The following IL1R1 variants were observed in gnomAD, a reference collection of about 807,000 sequenced individuals.
IL1R1 encodes interleukin-1 receptor type 1.
A neutral mutation model predicts 50.2 loss-of-function variants in IL1R1; 22 were observed. The ratio of observed to expected loss-of-function variants is 0.44; its 90% CI spans 0.31 to 0.63. IL1R1 has a LOEUF of 0.63. Ranked by LOEUF, IL1R1 falls within the 20% of genes least tolerant of loss-of-function variation. IL1R1 has a pLI of 0.07. For missense variants in IL1R1, 509 were observed against 676.2 expected (o/e 0.75, Z 2.74); for synonymous variants, 251 against 236.7 (o/e 1.06, Z -0.55).
intron 1 of IL1R1, among the ~76,000 whole-genome samples, chr2:102,122,589 G>T (rs570670342): frequency 6.6e-6 from 1 of 152,186 alleles, no homozygotes; most frequent in Non-Finnish European, 1.5e-5. Flanking sequence ...GGCCAGGTTT[G>T]TTCAAGCGAA....
At chr2:102,140,728 C>A (rs1414266139), upstream of IL1R1, among the ~76,000 whole-genome samples, 1 of 152,034 alleles carries the variant, frequency 6.6e-6, no homozygotes, top group Non-Finnish European at 1.5e-5. Context: ...CACCAGTTAT[C>A]CAAGGAAAGG....
chr2:102,170,139 G>C (rs1044912634), intron 7 of IL1R1, among the ~76,000 whole-genome samples: 6 of 152,238 alleles, frequency 3.9e-5, no homozygotes, highest in African/African-American at 1.4e-4. Context: ...TATATTGACA[G>C]TGGATCAGAA....
intron 1 of IL1R1, among the ~76,000 whole-genome samples, chr2:102,090,270 G>C (rs2104309766): frequency 6.6e-6 from 1 of 151,248 alleles, no homozygotes; most frequent in Admixed American, 6.6e-5. Context: ...GTTCTATGTT[G>C]GGGGTATGTA....
Position 102,174,632 on chromosome 2 carries a change from C to T in IL1R1, c.1037C>T (p.Thr346Ile), listed in dbSNP as rs1685959187. Residue 346 changes from threonine to isoleucine, a missense_variant, in exon 10 of 12, where the codon ACA becomes ATA. Coordinates refer to ENST00000410023, the MANE Select transcript of IL1R1 (RefSeq NM_000877.4). ...KHMIGICVTLTVIIVCSVFIY... is the reference protein window; with the variant it reads ...KHMIGICVTLIVIIVCSVFIY... ...ATGATTGGTATATGTGTCACGTTGACAGTCATAATTGTGTGTTCTGTTTTC... is the reference window on the plus strand; with the variant it reads ...ATGATTGGTATATGTGTCACGTTGATAGTCATAATTGTGTGTTCTGTTTTC... The T allele has an allele frequency of 6.2e-7, 1 of 1,610,490 alleles. No individual in the cohort carries two copies. The highest frequency in any genetic ancestry group is 8.5e-7 in the Non-Finnish European group (1 of 1,178,408).
intron 1 of IL1R1, among the ~76,000 whole-genome samples, chr2:102,153,477 T>C (rs1683883305): frequency 6.6e-6 from 1 of 152,182 alleles, no homozygotes; most frequent in Non-Finnish European, 1.5e-5. Flanking sequence ...TCATGATCAT[T>C]TAAATGTCAT....
chr2:102,142,029 G>A (rs115962037), upstream of IL1R1: 3 of 152,242 alleles, frequency 2.0e-5, no homozygotes, highest in African/African-American at 2.4e-5. Context: ...TGGGTTTTAA[G>A]TTTAAAAATT....
At chr2:102,157,819 T>A in intron 3 of IL1R1, 34 bp downstream of exon 3, 1 of 1,372,780 alleles carries the variant, frequency 7.3e-7, no homozygotes, top group Non-Finnish European at 1.0e-6. Context: ...TCTTGTCTGC[T>A]AAGAAAATCT....
At chr2:102,172,191 T>C in intron 8 of IL1R1, 1 of 802,370 alleles carries the variant, frequency 1.2e-6, no homozygotes, top group South Asian at 5.7e-5. Context: ...GAAGCAATTA[T>C]CTTTCATTAT....
intron 1 of IL1R1, among the ~76,000 whole-genome samples, chr2:102,122,261 G>T (rs535400969): frequency 1.3e-5 from 2 of 152,304 alleles, no homozygotes; most frequent in East Asian, 3.9e-4. Context: ...CACGAATAAG[G>T]CAGAATTGCA....
chr2:102,172,893 G>T, intron 9 of IL1R1, 55 bp downstream of exon 9: 1 of 1,308,210 alleles, frequency 7.6e-7, no homozygotes, highest in South Asian at 1.4e-5. Context: ...AAGATTCCAT[G>T]ACTTTGAAGT....
intron 3 of IL1R1, among the ~76,000 whole-genome samples, chr2:102,160,321 G>T (rs1684603001): frequency 6.6e-6 from 1 of 151,930 alleles, no homozygotes; most frequent in South Asian, 2.1e-4. Flanking sequence ...TTTTGTGAAA[G>T]AATCTGCTTT....
upstream of IL1R1, chr2:102,142,120 A>C (rs1682692690): frequency 6.6e-6 from 1 of 152,210 alleles, no homozygotes; most frequent in African/African-American, 2.4e-5. Flanking sequence ...CCGGGCGCGT[A>C]ACAGCAACAA....
intron 1 of IL1R1, among the ~76,000 whole-genome samples, chr2:102,105,151 T>C (rs914426097): frequency 1.2e-4 from 19 of 152,224 alleles, no homozygotes; most frequent in African/African-American, 4.3e-4. Flanking sequence ...AAATATACTT[T>C]ATAACTGTAT....
At chr2:102,124,368 T>C (rs1681573810) in intron 1 of IL1R1, among the ~76,000 whole-genome samples, 1 of 151,466 alleles carries the variant, frequency 6.6e-6, no homozygotes, top group Non-Finnish European at 1.5e-5. Flanking sequence ...TGCAGTGAGC[T>C]GAGATTGCGC....
rs191979150 is a variant in IL1R1 at position 102,084,378 on chromosome 2, C to T, written c.-84+13845C>T. ...CAATAACTAAAATAAATACACACAG[C>T]GTACAGCCCTGTAATAATAGAGGTT... On this transcript the variant is annotated intron_variant, in intron 1 of 11. Transcript: ENST00000409929. Among the ~76,000 whole-genome samples the T allele has an allele frequency of 1.2e-4, 19 of 152,232 alleles. No homozygotes were observed. The East Asian group carries it at 3.5e-3, about 28-fold the overall frequency.
chr2:102,165,344 A>G, intron 5 of IL1R1, 40 bp downstream of exon 5: 1 of 1,148,526 alleles, frequency 8.7e-7, no homozygotes, highest in Non-Finnish European at 1.2e-6. Context: ...TTTTCCAGAA[A>G]ATAAAATAGT....
At chr2:102,072,228 C>A (rs544245935) in intron 1 of IL1R1, among the ~76,000 whole-genome samples, 1 of 150,638 alleles carries the variant, frequency 6.6e-6, no homozygotes, top group African/African-American at 2.5e-5. Flanking sequence ...CCATTGCACT[C>A]CAGCCTGGGT....
intron 1 of IL1R1, among the ~76,000 whole-genome samples, chr2:102,084,479 G>A (rs980286278): frequency 3.3e-5 from 5 of 152,096 alleles, no homozygotes; most frequent in East Asian, 1.9e-4. Context: ...TTATCGCCCC[G>A]TACAAAGTTA....
chr2:102,147,211 A>T (rs986623807), intron 1 of IL1R1, among the ~76,000 whole-genome samples: 2 of 152,174 alleles, frequency 1.3e-5, no homozygotes, highest in African/African-American at 4.8e-5. Flanking sequence ...AATTTATGGA[A>T]CTGTCCACGT....
Sources: allele counts gnomAD v4.1 joint callset (sites outside exome capture counted in the v4.1 genomes callset), GRCh38; gene constraint gnomAD v4.1.1; transcripts MANE v1.5; gene names NCBI Gene and HGNC (gene_info 2026-07-23, HGNC 2026-07-21).